COBLL1: variants seen among roughly 807,000 people sequenced by gnomAD.
COBLL1 encodes the protein cordon-bleu WH2 repeat protein like 1, also known as cordon-bleu protein-like 1.
Under a neutral mutation model 94.8 loss-of-function variants are expected in COBLL1, and 50 were observed. That is an observed-to-expected ratio of 0.53 (90% CI 0.42 to 0.67). COBLL1 has a LOEUF of 0.67. Ranked by LOEUF, COBLL1 falls within the 30% of genes least tolerant of loss-of-function variation. The pLI, the probability that COBLL1 is intolerant of heterozygous loss-of-function variation, is 0.00. For synonymous variants in COBLL1, 448 were observed against 473.8 expected, an observed-to-expected ratio of 0.95 and a Z score of 0.71; for missense variants, 1,362 against 1,348.7, an observed-to-expected ratio of 1.01 and a Z score of -0.15.
intron 3 of COBLL1, among the ~76,000 whole-genome samples, chr2:164,734,173 CAAGTA>C: frequency 7.2e-6 from 1 of 139,248 alleles, no homozygotes; most frequent in South Asian, 2.2e-4. Flanking sequence ...AAAAAAGAAA[CAAGTA>C]AAATATATAA....
rs1441970043 is a variant in COBLL1, at chr2:164,841,351, G to C, written c.-50-105C>G. ...GCCCGCCCGAGCCGCTCCAGCCCCGGCCGGCCCGCCTCCCGGGTGCGCTTC... is the reference window on the plus strand; with the variant it reads ...GCCCGCCCGAGCCGCTCCAGCCCCGCCCGGCCCGCCTCCCGGGTGCGCTTC... On this transcript the variant is annotated intron_variant, in intron 1 of 13. Coordinates refer to ENST00000652658, the MANE Select transcript of COBLL1 (RefSeq NM_001365672.2). The surrounding 1 kb of genome is among the most constrained non-coding windows in gnomAD (Gnocchi z 5.5). 4.2e-6 allele frequency: 5 copies of C among 1,194,300 alleles called. No individual in the cohort carries two copies. The Admixed American group carries it at 1.8e-4, about 43-fold the overall frequency. The allele number at this position is 1,194,300 out of a possible 1,614,324, so 74.0% of individuals were successfully genotyped here. A position where few individuals can be genotyped will look rare whatever the true frequency, so the allele number is the denominator to read the frequency against.
intron 1 of COBLL1, among the ~76,000 whole-genome samples, chr2:164,674,967 A>G (rs77204546): frequency 0.018 from 2,774 of 152,324 alleles, 36 homozygotes; most frequent in Non-Finnish European, 0.026. Context: ...TTGGGCAGGC[A>G]TCCTTGGAAT....
intron 2 of COBLL1, among the ~76,000 whole-genome samples, chr2:164,823,225 T>C (rs565259847): frequency 6.6e-6 from 1 of 152,322 alleles, no homozygotes; most frequent in South Asian, 2.1e-4. Context: ...ATAATTTCCA[T>C]ATACTGTATA....
chr2:164,727,193 G>C, intron 5 of COBLL1: 1 of 1,048,038 alleles, frequency 9.5e-7, no homozygotes, highest in South Asian at 1.6e-5. Flanking sequence ...TGAAGATGAT[G>C]TTTGTTCAAG....
At chr2:164,833,515 A>T (rs1683178218) in intron 2 of COBLL1, among the ~76,000 whole-genome samples, 1 of 143,432 alleles carries the variant, frequency 7.0e-6, no homozygotes, top group African/African-American at 2.6e-5. Context: ...CAGTGGCGTT[A>T]TCCCGGCTCA....
intron 2 of COBLL1, among the ~76,000 whole-genome samples, chr2:164,745,051 C>G (rs1422175173): frequency 6.6e-6 from 1 of 152,166 alleles, no homozygotes; most frequent in Non-Finnish European, 1.5e-5. Context: ...CTCCTTTCCA[C>G]TCAGAAAAAT....
chr2:164,667,102 T>A (rs2105385250), intron 1 of COBLL1, among the ~76,000 whole-genome samples: 1 of 152,158 alleles, frequency 6.6e-6, no homozygotes, highest in East Asian at 1.9e-4. Flanking sequence ...TAATATTATA[T>A]GTTAAATATT....
chr2:164,786,048 A>G (rs917268444), intron 2 of COBLL1, among the ~76,000 whole-genome samples: 6 of 152,330 alleles, frequency 3.9e-5, no homozygotes, highest in Non-Finnish European at 8.8e-5. Context: ...TAATGTCTTA[A>G]ATTTGATTTC....
intron 9 of COBLL1, among the ~76,000 whole-genome samples, chr2:164,703,998 C>T (rs892364202): frequency 6.6e-6 from 1 of 152,162 alleles, no homozygotes; most frequent in African/African-American, 2.4e-5. Context: ...TTCATGGTAA[C>T]AGATTTTTAC....
In COBLL1 at chr2:164,729,969, AC is replaced by A. The variant is rs1685906200; in HGVS notation, c.376del (p.Val126Ter). 6.2e-7 allele frequency: 1 copy of A among 1,613,998 alleles called. No homozygotes were observed. Among genetic ancestry groups the A allele is most frequent in the South Asian group, 1.1e-5 (1 of 91,070 alleles). ...ATCCAACATTTTTGGCTTTAAAATTACCTTCTCTACCTCCAACATTCCTATT... is the reference window on the plus strand; with the variant it reads ...ATCCAACATTTTTGGCTTTAAAATTACTTCTCTACCTCCAACATTCCTATT... The part of the protein sequence containing the change: ...TPIGMLEVEK[V>X]ILKPKMLDKK... On this transcript the variant is annotated frameshift_variant, in exon 4 of 14. Transcript: ENST00000652658. LOFTEE classifies it high-confidence loss of function.
intron 5 of COBLL1, chr2:164,727,082 T>G (rs2105512259): frequency 7.6e-7 from 1 of 1,321,480 alleles, no homozygotes; most frequent in Middle Eastern, 1.9e-4. Flanking sequence ...TTATAATTTG[T>G]TTCTACTGAT....
chr2:164,803,873 T>C (rs1338569592), intron 2 of COBLL1, among the ~76,000 whole-genome samples: 1 of 151,976 alleles, frequency 6.6e-6, no homozygotes, highest in Non-Finnish European at 1.5e-5. Context: ...AGGTAGCTAC[T>C]TAAGGACACA....
At position 164,703,110 on chromosome 2, in the gene COBLL1, A is replaced by G. The variant is rs563803069; in HGVS notation, c.1225+1334T>C. On this transcript the variant is annotated intron_variant, in intron 9 of 13. Coordinates refer to ENST00000652658, the MANE Select transcript of COBLL1 (RefSeq NM_001365672.2). ...GAAAGGCCTGACCACCTACATGTCA[A>G]TGATGTTATGGCTGCCTCAGGTGTC... The G allele has an allele frequency of 4.4e-5, 71 of 1,607,406 alleles. 1 individual carries two copies. The South Asian group carries it at 7.4e-4, about 17-fold the overall frequency.
chr2:164,669,781 C>T (rs1249868689), intron 1 of COBLL1, among the ~76,000 whole-genome samples: 2 of 152,204 alleles, frequency 1.3e-5, no homozygotes, highest in Non-Finnish European at 2.9e-5. Flanking sequence ...TAAACTTTGA[C>T]TCAGTTTACT....
intron 7 of COBLL1, among the ~76,000 whole-genome samples, chr2:164,712,950 C>A (rs1684976559): frequency 6.6e-6 from 1 of 152,104 alleles, no homozygotes; most frequent in Non-Finnish European, 1.5e-5. Flanking sequence ...TAGATACACA[C>A]ACACACGTGC....
chr2:164,660,968 A>C (rs1378624522), intron 2 of COBLL1, among the ~76,000 whole-genome samples: 2 of 152,122 alleles, frequency 1.3e-5, no homozygotes, highest in East Asian at 3.9e-4. Context: ...TTTAGATAGT[A>C]TTTTTCTGAT....
intron 1 of COBLL1, among the ~76,000 whole-genome samples, chr2:164,675,025 T>G (rs148207742): frequency 6.6e-6 from 1 of 152,300 alleles, no homozygotes; most frequent in East Asian, 1.9e-4. Flanking sequence ...CACTTAAAAG[T>G]TTCAAGAAAA....
Position 164,727,990 on chromosome 2 carries a change from A to G in COBLL1, c.640T>C (p.Tyr214His). The G allele has an allele frequency of 6.2e-7, 1 of 1,609,502 alleles. No homozygotes were observed. Among genetic ancestry groups the G allele is most frequent in the Admixed American group, 1.7e-5 (1 of 60,000 alleles). ...SLNDLGLRELYAMDVNRESCQ... is the reference protein window; with the variant it reads ...SLNDLGLRELHAMDVNRESCQ... ...TTACCTCTGTTGACATCCATCGCAT[A>G]TAATTCTCTTAGTCCCAGGTCATTA... Residue 214 changes from tyrosine (Y) to histidine (H), a missense_variant, in exon 5 of 14, where the codon TAT (tyrosine) becomes CAT (histidine). Transcript: ENST00000652658.
intron 2 of COBLL1, among the ~76,000 whole-genome samples, chr2:164,747,603 C>A (rs1686930977): frequency 6.6e-6 from 1 of 152,016 alleles, no homozygotes; most frequent in African/African-American, 2.4e-5. Flanking sequence ...TGTGCCTTAG[C>A]CTCCTGGGTA....
Sources: gnomAD v4.1 joint callset for allele counts (sites outside exome capture counted in the v4.1 genomes callset) on GRCh38, gnomAD v4.1.1 for gene constraint, Gnocchi (gnomAD v3.1) non-coding constraint, MANE v1.5 for transcripts, NCBI Gene and HGNC (gene_info 2026-07-23, HGNC 2026-07-21) for gene names.